ACSL5: variants seen among roughly 807,000 people sequenced by gnomAD.
The protein encoded by ACSL5 is acyl-CoA synthetase long chain family member 5, also known as long-chain-fatty-acid--CoA ligase 5.
ACSL5 carries 50 observed loss-of-function variants against 84.9 expected under a neutral mutation model. The ratio of observed to expected loss-of-function variants is 0.59; its 90% CI spans 0.47 to 0.75. The LOEUF is 0.75. ACSL5 is among the 30% of genes least tolerant of loss of function. The probability of loss-of-function intolerance (pLI) is 0.00; values close to 1 mark genes in which losing one functional copy is unlikely to be tolerated. For missense variants in ACSL5, 775 were observed against 830.4 expected (o/e 0.93, Z 0.82); for synonymous variants, 280 against 300.7 (o/e 0.93, Z 0.71).
intron 12 of ACSL5, 75 bp from the exon 13 acceptor site, chr10:112,416,813 C>T: frequency 6.6e-7 from 1 of 1,509,216 alleles, no homozygotes; most frequent in Non-Finnish European, 9.2e-7. Context: ...CTAGAACACA[C>T]TGTTTCTTGC....
chr10:112,410,680 A>T, intron 9 of ACSL5, 45 bp downstream of exon 9: 2 of 1,586,708 alleles, frequency 1.3e-6, no homozygotes, highest in Non-Finnish European at 1.7e-6. Context: ...GTCAGCCAAG[A>T]ACATGGCTTC....
rs1361566820 is a variant in ACSL5, at chr10:112,427,244, G to C, written c.1938G>C (p.Glu646Asp). The change falls in exon 21 of 21, where the codon GAG becomes GAC. Residue 646 changes from glutamate (E) to aspartate (D), a missense_variant. Coordinates refer to ENST00000354655, the MANE Select transcript of ACSL5 (RefSeq NM_203379.2). ...EQVKAIFLHP[E>D]PFSIENGLLT... The stretch of plus-strand genomic sequence containing the variant: ...TCAAAGCCATTTTTCTTCATCCAGA[G>C]CCATTTTCCATTGAAAATGGGCTCT... 1.2e-5 allele frequency: 20 copies of C among 1,612,760 alleles called. No individual in the cohort carries two copies. The highest frequency in any genetic ancestry group is 1.7e-5 in the Non-Finnish European group (20 of 1,179,642).
chr10:112,407,998 GC>G (rs1321932795), intron 5 of ACSL5, among the ~76,000 whole-genome samples: 1 of 151,750 alleles, frequency 6.6e-6, no homozygotes, highest in African/African-American at 2.4e-5. Flanking sequence ...TGTCCCTATG[GC>G]CCCACAGTGA....
At position 112,391,368 on chromosome 10, in the gene ACSL5, C is replaced by CAA. The variant is rs35383388; in HGVS notation, c.-29-3537_-29-3536dup. 6.4e-3 allele frequency among the ~76,000 whole-genome samples: 929 copies of CAA among 146,298 alleles called. 7 individuals are homozygous for CAA. The highest frequency in any genetic ancestry group is 0.01 in the Admixed American group (153 of 14,776). On this transcript the variant is annotated intron_variant, in intron 1 of 20. Coordinates refer to ENST00000354655, the MANE Select transcript of ACSL5 (RefSeq NM_203379.2). ...TGGGCAGCAGAGCCAGACTGTGCCT[C>CAA]AAAAAAAAAAAAAATTGAGGAAGGA... is the stretch of plus-strand genomic sequence containing the variant.
At chr10:112,415,734 G>A (rs1434502567) in intron 12 of ACSL5, among the ~76,000 whole-genome samples, 2 of 152,198 alleles carry the variant, frequency 1.3e-5, no homozygotes, top group African/African-American at 2.4e-5. Flanking sequence ...CCAAAAATGG[G>A]GTTATAAACA....
chr10:112,413,900 C>T (rs1844249057), intron 12 of ACSL5, among the ~76,000 whole-genome samples: 2 of 152,062 alleles, frequency 1.3e-5, no homozygotes, highest in Admixed American at 6.5e-5. Context: ...TGCCAGGCCC[C>T]ATGATATACA....
intron 1 of ACSL5, among the ~76,000 whole-genome samples, chr10:112,378,169 G>A (rs1232119782): frequency 6.7e-6 from 1 of 150,322 alleles, no homozygotes; most frequent in Non-Finnish European, 1.5e-5. Context: ...TGAAGCCAGG[G>A]AAGTACCAGT....
At chr10:112,422,999 T>C (rs1844518438) in intron 17 of ACSL5, among the ~76,000 whole-genome samples, 1 of 146,668 alleles carries the variant, frequency 6.8e-6, no homozygotes, top group South Asian at 2.2e-4. Context: ...CCATCCTGGC[T>C]AACACGGTGA....
chr10:112,399,032 G>A (rs200668275), intron 3 of ACSL5, 23 bp downstream of exon 3: 65 of 1,590,866 alleles, frequency 4.1e-5, no homozygotes, highest in Middle Eastern at 3.4e-4. Flanking sequence ...GTCTGTCCTT[G>A]CCTGAAGAAG....
At chr10:112,376,226 C>G in intron 1 of ACSL5, 1 of 1,548,332 alleles carries the variant, frequency 6.5e-7, no homozygotes, top group South Asian at 1.2e-5. Flanking sequence ...TCCCCGAGCA[C>G]GTTAGAAAGC....
rs148879181 is a variant in ACSL5, at chr10:112,415,231, G to A, written c.1084-1657G>A. 3.2e-3 allele frequency among the ~76,000 whole-genome samples: 493 copies of A among 151,876 alleles called. 5 individuals are homozygous for A. The highest frequency in any genetic ancestry group is 0.012 in the African/African-American group (477 of 41,364). On this transcript the variant is annotated intron_variant, in intron 12 of 20. Coordinates refer to ENST00000354655, the MANE Select transcript of ACSL5 (RefSeq NM_203379.2). ...GTTTTTGTTTTTGAGACGGAGTCTC[G>A]CTCTGTCGCCCAGGCTGGAGTGCAG...
At chr10:112,426,198 TG>T in intron 18 of ACSL5, 59 bp from the exon 19 acceptor site, 1 of 1,338,678 alleles carries the variant, frequency 7.5e-7, no homozygotes, top group Non-Finnish European at 1.1e-6. Context: ...ATTTAACTAC[TG>T]GGGGACATCC....
At chr10:112,399,171 A>T (rs1005548396) in intron 3 of ACSL5, among the ~76,000 whole-genome samples, 162 bp downstream of exon 3, 4 of 152,166 alleles carry the variant, frequency 2.6e-5, no homozygotes, top group Non-Finnish European at 5.9e-5. Context: ...TAGTATTAGG[A>T]TGGGCGTTGG....
chr10:112,394,601 C>T, intron 1 of ACSL5: 1 of 416,668 alleles, frequency 2.4e-6, no homozygotes, highest in Non-Finnish European at 3.2e-6. Flanking sequence ...AGGCTTTGTG[C>T]ACCAACATTA....
chr10:112,413,453 T>G (rs1844234973), intron 12 of ACSL5, 146 bp downstream of exon 12: 2 of 1,108,470 alleles, frequency 1.8e-6, no homozygotes, highest in African/African-American at 3.1e-5. Context: ...CCGCCAGGTG[T>G]GGTGGCTCAC....
At chr10:112,410,241 C>G in intron 7 of ACSL5, 1 of 1,522,026 alleles carries the variant, frequency 6.6e-7, no homozygotes, top group East Asian at 2.5e-5. Flanking sequence ...TTTGAACATG[C>G]AATCTACCCT....
chr10:112,426,813 A>G lies in ACSL5; in HGVS notation c.1865A>G (p.Asp622Gly). Residue 622 changes from aspartate to glycine, a missense_variant, in exon 20 of 21, where the codon GAC (aspartate) becomes GGC (glycine). Coordinates refer to ENST00000354655, the MANE Select transcript of ACSL5 (RefSeq NM_203379.2). ...NQVVREAILE[D>G]LQKIGKESGL... Reference sequence around the variant, plus strand: ...GTTGTAAGGGAAGCCATTTTAGAAGACTTGCAGAAAATTGGGAAAGAAAGT... The same window carrying G: ...GTTGTAAGGGAAGCCATTTTAGAAGGCTTGCAGAAAATTGGGAAAGAAAGT... The G allele has an allele frequency of 6.2e-7, 1 of 1,614,010 alleles. No individual in the cohort carries two copies. The highest frequency in any genetic ancestry group is 2.2e-5 in the East Asian group (1 of 44,858).
At chr10:112,393,244 A>T (rs1843679574) in intron 1 of ACSL5, among the ~76,000 whole-genome samples, 1 of 151,976 alleles carries the variant, frequency 6.6e-6, no homozygotes, top group Non-Finnish European at 1.5e-5. Flanking sequence ...CACCCATGGG[A>T]CCTGGCTTTT....
chr10:112,386,997 C>T lies in ACSL5; in HGVS notation c.-29-7921C>T, dbSNP rs563230671. On this transcript the variant is annotated intron_variant, in intron 1 of 20. Transcript: ENST00000354655. ...GTTTTTAGAATTTCTCCTCTCAGCTCTTTTTTTAAATTTTGTTTTGTTTTT... is the reference window on the plus strand; with the variant it reads ...GTTTTTAGAATTTCTCCTCTCAGCTTTTTTTTTAAATTTTGTTTTGTTTTT... Among the ~76,000 whole-genome samples, 5 of 152,226 alleles carry T rather than the reference C, an allele frequency of 3.3e-5. No individual in the cohort carries two copies. In the East Asian group the frequency reaches 9.6e-4, roughly 29 times the overall value.
Sources: allele counts gnomAD v4.1 joint callset (sites outside exome capture counted in the v4.1 genomes callset), GRCh38; gene constraint gnomAD v4.1.1; transcripts MANE v1.5; gene names NCBI Gene and HGNC (gene_info 2026-07-23, HGNC 2026-07-21).